Variants in UHRF2 observed in about 807,000 individuals in gnomAD.
UHRF2 encodes ubiquitin like with PHD and ring finger domains 2, also known as E3 ubiquitin-protein ligase UHRF2.
In UHRF2, 23 loss-of-function variants were observed where a neutral mutation model predicts 96.8. That is an observed-to-expected ratio of 0.24 (90% CI 0.17 to 0.34). The LOEUF (loss-of-function observed/expected upper bound fraction) is 0.34, where lower values mean the gene tolerates loss of function less well. Among genes scored for constraint, UHRF2 ranks in the 10% least tolerant of loss-of-function variants. The probability of loss-of-function intolerance (pLI) is 1.00; values close to 1 mark genes in which losing one functional copy is unlikely to be tolerated. For synonymous variants in UHRF2, 385 were observed against 332.6 expected (o/e 1.16, Z -1.72); for missense variants, 685 against 981.5 (o/e 0.70, Z 4.04).
intron 6 of UHRF2, among the ~76,000 whole-genome samples, chr9:6,479,557 G>A (rs938484781): frequency 6.6e-6 from 1 of 152,086 alleles, no homozygotes; most frequent in African/African-American, 2.4e-5. Context: ...ATTATGAGAT[G>A]TTAAATACCA....
chr9:6,472,245 C>T (rs891466718), intron 4 of UHRF2, among the ~76,000 whole-genome samples: 1 of 152,150 alleles, frequency 6.6e-6, no homozygotes, highest in Non-Finnish European at 1.5e-5. Flanking sequence ...TGTACTCTAG[C>T]TGCTAGCAAA....
chr9:6,439,348 G>A (rs1361485037), intron 3 of UHRF2, among the ~76,000 whole-genome samples: 4 of 152,112 alleles, frequency 2.6e-5, no homozygotes, highest in Non-Finnish European at 4.4e-5. Flanking sequence ...GCTAATTTTT[G>A]TGTTTAGTAG....
At chr9:6,493,800 TTAA>T (rs1824814535) in intron 9 of UHRF2, 23 bp from the exon 10 acceptor site, 2 of 1,591,346 alleles carry the variant, frequency 1.3e-6, no homozygotes, top group African/African-American at 2.7e-5. Flanking sequence ...TTTAGCTTTC[TTAA>T]TAAAGAAAAT....
At chr9:6,452,253 A>T (rs902749306) in intron 3 of UHRF2, among the ~76,000 whole-genome samples, 3 of 152,204 alleles carry the variant, frequency 2.0e-5, no homozygotes, top group African/African-American at 4.8e-5. Flanking sequence ...AGCTATAAAT[A>T]GCCTTGTGTA....
chr9:6,428,575 C>T (rs7028825), intron 2 of UHRF2, among the ~76,000 whole-genome samples: 9,892 of 81,122 alleles, frequency 0.12, 792 homozygotes, highest in East Asian at 0.23. Context: ...TTTTTTTGAA[C>T]GATCTCATTC....
At chr9:6,489,681 G>A (rs1824536355) in intron 9 of UHRF2, among the ~76,000 whole-genome samples, 1 of 147,970 alleles carries the variant, frequency 6.8e-6, no homozygotes, top group African/African-American at 2.5e-5. Flanking sequence ...AGCCTCTTTA[G>A]TAGTATAGCA....
intron 3 of UHRF2, among the ~76,000 whole-genome samples, chr9:6,456,954 T>C (rs1270597): frequency 6.6e-6 from 1 of 152,306 alleles, no homozygotes; most frequent in Non-Finnish European, 1.5e-5. Context: ...TGCCACCAGC[T>C]TTGTTCTTTT....
At chr9:6,463,033 G>A (rs1822644709) in intron 4 of UHRF2, among the ~76,000 whole-genome samples, 1 of 152,194 alleles carries the variant, frequency 6.6e-6, no homozygotes. Flanking sequence ...TGTAATCCCA[G>A]CACTTTGGGA....
chr9:6,460,599 T>C lies in UHRF2; in HGVS notation c.671T>C (p.Met224Thr). The C allele has an allele frequency of 1.2e-6, 2 of 1,608,490 alleles. No individual in the cohort carries two copies. The highest frequency in any genetic ancestry group is 1.7e-6 in the Non-Finnish European group (2 of 1,176,706). Residue 224 changes from methionine to threonine, a missense_variant, in exon 4 of 16, where the codon ATG (methionine) becomes ACG (threonine). Physicochemically the swap from Met to Thr is moderately conservative, Grantham distance 81. Around this residue, in one of 6 missense-constraint regions of UHRF2, gnomAD observed 391 missense variants for 437.0 expected, o/e 0.89. Transcript: ENST00000276893. ...TACCCAGAAAGCGGTACTCTAGAAA[T>C]GAATGTCAAGGATCTTAGACCACGA... ...DEYPESGTLE[M>T]NVKDLRPRAR...
intron 3 of UHRF2, among the ~76,000 whole-genome samples, chr9:6,440,203 G>C (rs1164571866): frequency 1.3e-5 from 2 of 152,162 alleles, no homozygotes; most frequent in Non-Finnish European, 2.9e-5. Flanking sequence ...TGGTCTTGAA[G>C]GGCAGTCATT....
At chr9:6,432,652 T>C (rs765731531) in intron 2 of UHRF2, among the ~76,000 whole-genome samples, 12 of 152,234 alleles carry the variant, frequency 7.9e-5, no homozygotes, top group Non-Finnish European at 1.5e-4. Context: ...CATACTGATA[T>C]TTAACTTACT....
At chr9:6,427,947 C>T (rs919623495) in intron 2 of UHRF2, among the ~76,000 whole-genome samples, 1 of 152,150 alleles carries the variant, frequency 6.6e-6, no homozygotes, top group African/African-American at 2.4e-5. Flanking sequence ...GATGGACATT[C>T]GAACCTAAGT....
At chr9:6,444,861 C>G (rs1821393874) in intron 3 of UHRF2, among the ~76,000 whole-genome samples, 1 of 152,176 alleles carries the variant, frequency 6.6e-6, no homozygotes, top group Non-Finnish European at 1.5e-5. Context: ...CCCGGCCTCC[C>G]AAAGTGCTGG....
chr9:6,422,964 A>C, intron 2 of UHRF2: 1 of 285,890 alleles, frequency 3.5e-6, no homozygotes, highest in East Asian at 5.9e-5. Context: ...AAATCTAATA[A>C]ATTGTGTAGA....
At chr9:6,438,412 C>T (rs1361456589) in intron 3 of UHRF2, among the ~76,000 whole-genome samples, 1 of 152,224 alleles carries the variant, frequency 6.6e-6, no homozygotes, top group African/African-American at 2.4e-5. Flanking sequence ...CTCTCAAAGT[C>T]ACATTTTTGT....
rs544250795 is a variant in UHRF2, at chr9:6,450,842, A to G, written c.645-9731A>G. ...GAATGTTCCAGCCCTGGGTTCAGCCATGTCTAGGAATCCCAGTTATTTCGA... is the reference window on the plus strand; with the variant it reads ...GAATGTTCCAGCCCTGGGTTCAGCCGTGTCTAGGAATCCCAGTTATTTCGA... On this transcript the variant is annotated intron_variant, in intron 3 of 15. Coordinates refer to ENST00000276893, the MANE Select transcript of UHRF2 (RefSeq NM_152896.3). Among the ~76,000 whole-genome samples the G allele has an allele frequency of 2.3e-4, 35 of 152,294 alleles. 1 individual carries two copies. The South Asian group carries it at 5.6e-3, about 24-fold the overall frequency.
intron 13 of UHRF2, 78 bp from the exon 14 acceptor site, chr9:6,500,474 G>A: frequency 8.1e-7 from 1 of 1,241,912 alleles, no homozygotes; most frequent in Non-Finnish European, 1.1e-6. Context: ...CATTACTTGT[G>A]CCAGTTAACT....
At chr9:6,460,477 A>C in intron 3 of UHRF2, 96 bp from the exon 4 acceptor site, 5 of 1,024,568 alleles carry the variant, frequency 4.9e-6, no homozygotes, top group Non-Finnish European at 7.1e-6. Flanking sequence ...TCTTTCTCTT[A>C]GATGATTAAC....
At chr9:6,469,763 C>T (rs192418064) in intron 4 of UHRF2, among the ~76,000 whole-genome samples, 359 of 143,872 alleles carry the variant, frequency 2.5e-3, no homozygotes, top group Middle Eastern at 0.018. Context: ...TATATACACA[C>T]GTATATATGT....
Sources: gnomAD v4.1 joint callset for allele counts (sites outside exome capture counted in the v4.1 genomes callset) on GRCh38, gnomAD v4.1.1 for gene constraint, gnomAD v4.1.1 regional missense constraint, MANE v1.5 for transcripts, NCBI Gene and HGNC (gene_info 2026-07-23, HGNC 2026-07-21) for gene names.